The following PTPRK variants were observed in gnomAD, a reference collection of about 807,000 sequenced individuals.
PTPRK encodes receptor-type tyrosine-protein phosphatase kappa.
A neutral mutation model predicts 178.0 loss-of-function variants in PTPRK; 75 were observed. The observed-to-expected ratio is 0.42, with a 90% CI of 0.35 to 0.51. The LOEUF (loss-of-function observed/expected upper bound fraction) is 0.51. Ranked by LOEUF, PTPRK falls within the 20% of genes least tolerant of loss-of-function variation. The pLI is 0.02. For missense variants in PTPRK, 1,441 were observed against 1,797.8 expected (o/e 0.80, Z 3.59); for synonymous variants, 637 against 620.6 (o/e 1.03, Z -0.39).
At chr6:128,261,584 C>G (rs931912923) in intron 3 of PTPRK, among the ~76,000 whole-genome samples, 1 of 152,096 alleles carries the variant, frequency 6.6e-6, no homozygotes, top group African/African-American at 2.4e-5. Context: ...CAAAACTGTC[C>G]AGCAAAATTG....
chr6:128,410,512 T>C (rs1462185942), intron 1 of PTPRK, among the ~76,000 whole-genome samples: 1 of 152,206 alleles, frequency 6.6e-6, no homozygotes, highest in African/African-American at 2.4e-5. Context: ...CATAGTCATG[T>C]TTTCAAGAAA....
intron 6 of PTPRK, among the ~76,000 whole-genome samples, chr6:128,187,225 GA>G (rs1170648696): frequency 2.0e-5 from 3 of 151,900 alleles, no homozygotes; most frequent in African/African-American, 7.2e-5. Flanking sequence ...GATGAGAGAG[GA>G]AGGAAAGAAA....
chr6:128,476,934 T>C (rs764463958), intron 1 of PTPRK, among the ~76,000 whole-genome samples: 2 of 151,678 alleles, frequency 1.3e-5, no homozygotes, highest in Admixed American at 1.3e-4. Context: ...AAAATCTTAC[T>C]AGGATGTTAC....
intron 7 of PTPRK, among the ~76,000 whole-genome samples, chr6:128,099,196 A>ATTT (rs1237972329): frequency 6.7e-6 from 1 of 149,492 alleles, no homozygotes; most frequent in African/African-American, 2.4e-5. Context: ...ATATATATAT[A>ATTT]TTTTTTCTTT....
At chr6:128,292,114 T>C (rs1436384834) in intron 3 of PTPRK, among the ~76,000 whole-genome samples, 3 of 152,088 alleles carry the variant, frequency 2.0e-5, no homozygotes, top group African/African-American at 7.2e-5. Flanking sequence ...TAGGTATCAA[T>C]AAGATAGATT....
At chr6:128,080,361 A>T (rs1189201028) in intron 10 of PTPRK, among the ~76,000 whole-genome samples, 3 of 152,022 alleles carry the variant, frequency 2.0e-5, no homozygotes, top group Non-Finnish European at 4.4e-5. Context: ...AAGATACAAG[A>T]TTGCGAAAAT....
chr6:128,379,038 A>G (rs1837498351), intron 2 of PTPRK, among the ~76,000 whole-genome samples: 1 of 152,168 alleles, frequency 6.6e-6, no homozygotes, highest in Admixed American at 6.6e-5. Context: ...AAGAAAGAAT[A>G]TAATATAGTA....
intron 1 of PTPRK, among the ~76,000 whole-genome samples, chr6:128,404,254 G>A (rs1030729937): frequency 2.6e-5 from 4 of 152,200 alleles, no homozygotes; most frequent in African/African-American, 9.7e-5. Context: ...TGTTTGGCTG[G>A]CAAGCAGTAT....
intron 2 of PTPRK, among the ~76,000 whole-genome samples, chr6:128,362,066 A>C (rs1162710385): frequency 1.3e-5 from 2 of 152,154 alleles, no homozygotes; most frequent in African/African-American, 4.8e-5. Context: ...GAAATACCTG[A>C]ATCTGGGTAA....
intron 3 of PTPRK, among the ~76,000 whole-genome samples, chr6:128,319,930 T>A (rs1345874960): frequency 6.6e-6 from 1 of 152,196 alleles, no homozygotes; most frequent in African/African-American, 2.4e-5. Flanking sequence ...AGTACTCTGT[T>A]GTTTGCTCTC....
chr6:128,330,779 T>C (rs1830159505), intron 2 of PTPRK, among the ~76,000 whole-genome samples: 1 of 152,058 alleles, frequency 6.6e-6, no homozygotes, highest in Non-Finnish European at 1.5e-5. Context: ...CCTGCCTTCC[T>C]CTCCAACATT....
At chr6:128,104,053 G>A (rs570630483) in intron 7 of PTPRK, among the ~76,000 whole-genome samples, 4 of 152,280 alleles carry the variant, frequency 2.6e-5, no homozygotes, top group African/African-American at 9.6e-5. Context: ...TGCCTAGAAT[G>A]TTATTCTACC....
chr6:128,420,540 A>G (rs1484577819), intron 1 of PTPRK, among the ~76,000 whole-genome samples: 2 of 152,180 alleles, frequency 1.3e-5, no homozygotes, highest in Non-Finnish European at 2.9e-5. Flanking sequence ...GAATGCTTAG[A>G]GCTCCCTGGA....
chr6:127,993,031 T>C (rs1379188868), intron 18 of PTPRK, among the ~76,000 whole-genome samples: 2 of 151,804 alleles, frequency 1.3e-5, no homozygotes, highest in Non-Finnish European at 3.0e-5. Flanking sequence ...CATTCATTCC[T>C]GGTAAAATAG....
chr6:128,349,330 C>T lies in PTPRK; in HGVS notation c.224-27020G>A, dbSNP rs377327320. Among the ~76,000 whole-genome samples the T allele has an allele frequency of 3.1e-4, 47 of 151,930 alleles. No individual in the cohort carries two copies. In the East Asian group the frequency reaches 3.5e-3, roughly 11 times the overall value. On this transcript the variant is annotated intron_variant, in intron 2 of 29. Coordinates refer to ENST00000368226, the MANE Select transcript of PTPRK (RefSeq NM_002844.4). The stretch of plus-strand genomic sequence containing the variant: ...TTCCCTAGTAGATTTTTTTCAAGAA[C>T]TAAATCTCCCTGGATAGTGGTTTAT...
intron 7 of PTPRK, among the ~76,000 whole-genome samples, chr6:128,165,182 T>C (rs1260303716): frequency 1.3e-5 from 2 of 151,376 alleles, no homozygotes; most frequent in African/African-American, 4.8e-5. Flanking sequence ...GAAACACATG[T>C]GATGGGAAAG....
chr6:128,499,568 G>A (rs1584982690), intron 1 of PTPRK, among the ~76,000 whole-genome samples: 2 of 152,190 alleles, frequency 1.3e-5, no homozygotes, highest in East Asian at 3.8e-4. Context: ...ACCAGGAAGT[G>A]CCACGACATA....
Position 128,086,880 on chromosome 6 carries a change from G to A in PTPRK, c.1465+2810C>T, listed in dbSNP as rs558118005. ...TGACAATACTATGAAATAATAATAC[G>A]AAACTTAATATAATTAAAACTGGAA... On this transcript the variant is annotated intron_variant, in intron 8 of 29. Coordinates refer to ENST00000368226, the MANE Select transcript of PTPRK (RefSeq NM_002844.4). 5.9e-5 allele frequency among the ~76,000 whole-genome samples: 9 copies of A among 151,856 alleles called. No individual in the cohort carries two copies. In the South Asian group the frequency reaches 1.5e-3, roughly 25 times the overall value.
At chr6:128,512,516 A>T (rs1424998310) in intron 1 of PTPRK, among the ~76,000 whole-genome samples, 1 of 152,238 alleles carries the variant, frequency 6.6e-6, no homozygotes, top group African/African-American at 2.4e-5. Flanking sequence ...CAGAGACAAC[A>T]CTGTTGAAAC....
Sources: allele counts gnomAD v4.1 joint callset (sites outside exome capture counted in the v4.1 genomes callset), GRCh38; gene constraint gnomAD v4.1.1; transcripts MANE v1.5; gene names NCBI Gene and HGNC (gene_info 2026-07-23, HGNC 2026-07-21).